Variants in TACC2 observed in about 807,000 individuals in gnomAD.
The protein encoded by TACC2 is transforming acidic coiled-coil containing protein 2.
Under a neutral mutation model 227.3 loss-of-function variants are expected in TACC2, and 137 were observed. That is an observed-to-expected ratio of 0.60 (90% confidence interval 0.52 to 0.69). TACC2 has a LOEUF of 0.69. Among genes scored for constraint, TACC2 ranks in the 30% least tolerant of loss-of-function variants. TACC2 has a pLI of 0.00. For synonymous variants in TACC2, 1,523 were observed against 1,487.5 expected (o/e 1.02, Z -0.55); for missense variants, 3,470 against 3,694.4 (o/e 0.94, Z 1.57).
chr10:122,005,510 G>A (rs539340887), intron 1 of TACC2, among the ~76,000 whole-genome samples: 2 of 150,000 alleles, frequency 1.3e-5, no homozygotes, highest in South Asian at 2.1e-4. Context: ...TCAGCCTCCC[G>A]AGTAGCTGGG....
At chr10:122,103,068 G>C (rs1341149621) in intron 5 of TACC2, among the ~76,000 whole-genome samples, 2 of 151,916 alleles carry the variant, frequency 1.3e-5, no homozygotes, top group African/African-American at 4.8e-5. Flanking sequence ...GAAGACTAAA[G>C]CACTATTCCT....
At chr10:122,069,270 C>G (rs1321147647) in intron 3 of TACC2, among the ~76,000 whole-genome samples, 1 of 151,744 alleles carries the variant, frequency 6.6e-6, no homozygotes, top group East Asian at 1.9e-4. Context: ...GAGACGGAGT[C>G]TCGCTCTGTC....
intron 11 of TACC2, among the ~76,000 whole-genome samples, chr10:122,218,964 GTGAGCTGA>G (rs1191788007): frequency 6.9e-6 from 1 of 145,598 alleles, no homozygotes; most frequent in Non-Finnish European, 1.5e-5. Flanking sequence ...AGAGGTTGCA[GTGAGCTGA>G]GATTGTGCCA....
At chr10:122,023,393 C>T (rs1205167368) in intron 2 of TACC2, 1 of 152,126 alleles carries the variant, frequency 6.6e-6, no homozygotes, top group Non-Finnish European at 1.5e-5. Flanking sequence ...CAAACTCCAG[C>T]ATCTTTAGGG....
intron 11 of TACC2, among the ~76,000 whole-genome samples, chr10:122,219,104 C>G (rs1229677125): frequency 1.3e-5 from 2 of 151,736 alleles, no homozygotes; most frequent in African/African-American, 4.8e-5. Context: ...TCCTTTGGAT[C>G]CTTATTTCTC....
chr10:122,018,625 A>G (rs1008895563), intron 1 of TACC2, among the ~76,000 whole-genome samples: 11 of 152,068 alleles, frequency 7.2e-5, no homozygotes, highest in Non-Finnish European at 1.6e-4. Context: ...TTTCCTATCA[A>G]TGGGATCGTA....
chr10:122,160,883 A>T lies in TACC2; in HGVS notation c.5834+17177A>T, dbSNP rs80204069. ...CTTCCATAAATAATTTACACAAACT[A>T]ATCATACATGGGTTTTAGTTGTATC... On this transcript the variant is annotated intron_variant, in intron 7 of 22. Coordinates refer to ENST00000369005, the MANE Select transcript of TACC2 (RefSeq NM_206862.4). Among the ~76,000 whole-genome samples, 619 of 152,338 alleles carry T rather than the reference A, an allele frequency of 4.1e-3. 5 individuals are homozygous for T. Among genetic ancestry groups the T allele is most frequent in the African/African-American group, 0.014 (594 of 41,580 alleles).
At chr10:122,187,962 G>A (rs1185335102) in intron 7 of TACC2, among the ~76,000 whole-genome samples, 1 of 152,128 alleles carries the variant, frequency 6.6e-6, no homozygotes, top group African/African-American at 2.4e-5. Context: ...GGGGAGCTGG[G>A]AGGCATCCTG....
chr10:122,103,662 T>C (rs1319845684), intron 5 of TACC2, among the ~76,000 whole-genome samples: 1 of 152,192 alleles, frequency 6.6e-6, no homozygotes. Context: ...ACCCTTTCAG[T>C]TTGAATTCTT....
intron 2 of TACC2, among the ~76,000 whole-genome samples, chr10:122,024,486 G>A (rs1389103100): frequency 2.6e-5 from 4 of 152,150 alleles, no homozygotes; most frequent in Non-Finnish European, 4.4e-5. Flanking sequence ...ATACAGTCAA[G>A]ATAACAGACC....
At chr10:122,094,829 A>G (rs2081207598) in intron 5 of TACC2, among the ~76,000 whole-genome samples, 1 of 152,144 alleles carries the variant, frequency 6.6e-6, no homozygotes, top group African/African-American at 2.4e-5. Flanking sequence ...ATTCAGATCA[A>G]GGTGATGATT....
At chr10:122,241,828 G>A (rs772701985) in intron 18 of TACC2, 130 bp from the exon 19 acceptor site, 1 of 821,212 alleles carries the variant, frequency 1.2e-6, no homozygotes, top group Non-Finnish European at 2.2e-6. Flanking sequence ...TGCAGGGCGA[G>A]GGCTGACATT....
At chr10:122,006,964 T>C (rs1379903404) in intron 1 of TACC2, among the ~76,000 whole-genome samples, 1 of 151,240 alleles carries the variant, frequency 6.6e-6, no homozygotes, top group Non-Finnish European at 1.5e-5. Flanking sequence ...CGGGTTCCAG[T>C]GATTCTCCTG....
chr10:122,202,908 T>G (rs902791929), intron 8 of TACC2, among the ~76,000 whole-genome samples: 1 of 151,140 alleles, frequency 6.6e-6, no homozygotes, highest in African/African-American at 2.4e-5. Context: ...AAGCACATCT[T>G]GCACCGCCCT....
rs71026008 is a variant in TACC2, at chr10:122,180,339, C to CTT, written c.5835-14687_5835-14686dup. ...GCCTGAAACTTTCTTCCCCCCAGTT[C>CTT]TTTTTTTTTTTTTTTGGGTTAATAG... On this transcript the variant is annotated intron_variant, in intron 7 of 22. Transcript: ENST00000369005. This position sits in a 1 kb window ranked among gnomAD's most constrained non-coding sequence, Gnocchi z 4.5. Among the ~76,000 whole-genome samples the CTT allele has an allele frequency of 6.6e-5, 9 of 136,912 alleles. No individual in the cohort carries two copies. Among genetic ancestry groups the CTT allele is most frequent in the South Asian group, 4.8e-4 (2 of 4,162 alleles). 89.8% of individuals were successfully genotyped at this position (136,912 alleles called of 152,430 possible).
At position 122,150,941 on chromosome 10, in the gene TACC2, G is replaced by C. The variant is rs1227923433; in HGVS notation, c.5834+7235G>C. On this transcript the variant is annotated intron_variant, in intron 7 of 22. Coordinates refer to ENST00000369005, the MANE Select transcript of TACC2 (RefSeq NM_206862.4). This position sits in a 1 kb window ranked among gnomAD's most constrained non-coding sequence, Gnocchi z 4.0. Reference sequence around the variant, plus strand: ...AAGGAGCATGAAGTTGGAAAGACAGGCCTATTTACCAGCTGTGTGACATGG... The same window carrying C: ...AAGGAGCATGAAGTTGGAAAGACAGCCCTATTTACCAGCTGTGTGACATGG... Among the ~76,000 whole-genome samples the C allele has an allele frequency of 6.6e-6, 1 of 152,202 alleles. No homozygotes were observed. The highest frequency in any genetic ancestry group is 6.5e-5 in the Admixed American group (1 of 15,282).
chr10:122,226,214 C>T, intron 12 of TACC2, 152 bp from the exon 13 acceptor site: 3 of 611,792 alleles, frequency 4.9e-6, no homozygotes, highest in Non-Finnish European at 8.8e-6. Flanking sequence ...AACCAGGCCC[C>T]ACTTCCTCCT....
intron 1 of TACC2, among the ~76,000 whole-genome samples, chr10:122,006,451 A>AAAATAAAAAAATAAAT (rs1554956826): frequency 6.7e-6 from 1 of 149,242 alleles, no homozygotes; most frequent in Non-Finnish European, 1.5e-5. Context: ...TCAGTCTCAA[A>AAAATAAAAAAATAAAT]AAATAAATAA....
intron 2 of TACC2, chr10:122,032,987 C>CAAT: frequency 1.6e-6 from 1 of 630,678 alleles, no homozygotes; most frequent in Non-Finnish European, 2.4e-6. Flanking sequence ...ACAACAACAA[C>CAAT]AACAACAACA....
Sources: gnomAD v4.1 joint callset for allele counts (sites outside exome capture counted in the v4.1 genomes callset) on GRCh38, gnomAD v4.1.1 for gene constraint, Gnocchi (gnomAD v3.1) non-coding constraint, MANE v1.5 for transcripts, NCBI Gene and HGNC (gene_info 2026-07-23, HGNC 2026-07-21) for gene names.